Variants in TRIO observed in about 807,000 individuals in gnomAD.
TRIO encodes the protein triple functional domain protein.
A neutral mutation model predicts 351.9 loss-of-function variants in TRIO; 58 were observed. The ratio of observed to expected loss-of-function variants is 0.16; its 90% CI spans 0.13 to 0.21. TRIO has a LOEUF of 0.21. TRIO is among the 10% of genes least tolerant of loss of function. The pLI, the probability that TRIO is intolerant of heterozygous loss-of-function variation, is 1.00. For synonymous variants in TRIO, 1,758 were observed against 1,595.7 expected, an observed-to-expected ratio of 1.10 and a Z score of -2.42; for missense variants, 3,201 against 4,027.8, an observed-to-expected ratio of 0.79 and a Z score of 5.56.
chr5:14,497,228 C>A lies in TRIO; in HGVS notation c.8019+211C>A, dbSNP rs1756961661. Among the ~76,000 whole-genome samples, 1 of 152,156 alleles carries A rather than the reference C, an allele frequency of 6.6e-6. No homozygotes were observed. Among genetic ancestry groups the A allele is most frequent in the African/African-American group, 2.4e-5 (1 of 41,442 alleles). On this transcript the variant is annotated intron_variant, in intron 50 of 56. Coordinates refer to ENST00000344204, the MANE Select transcript of TRIO (RefSeq NM_007118.4). The surrounding 1 kb of genome is among the most constrained non-coding windows in gnomAD (Gnocchi z 4.4). ...GCGTCCTACAAGGAACCAGGTAGAC[C>A]CCTGCACACTTCCGCAGGTGCACAT... is the stretch of plus-strand genomic sequence containing the variant.
At chr5:14,416,382 T>A (rs1296346731) in intron 33 of TRIO, among the ~76,000 whole-genome samples, 1 of 151,942 alleles carries the variant, frequency 6.6e-6, no homozygotes, top group Non-Finnish European at 1.5e-5. Flanking sequence ...TTGAGGTGCA[T>A]CCCCAGGACA....
chr5:14,157,283 G>A (rs894194855), intron 1 of TRIO, among the ~76,000 whole-genome samples: 1 of 152,174 alleles, frequency 6.6e-6, no homozygotes, highest in African/African-American at 2.4e-5. Context: ...GGGATTTCTG[G>A]GAACTGAGTT....
chr5:14,163,939 G>A (rs541606791), intron 1 of TRIO, among the ~76,000 whole-genome samples: 5 of 152,036 alleles, frequency 3.3e-5, no homozygotes, highest in African/African-American at 9.6e-5. Flanking sequence ...TAAGTTTTCC[G>A]ATCTCCAGAT....
intron 1 of TRIO, among the ~76,000 whole-genome samples, chr5:14,205,879 C>T (rs1197351534): frequency 1.3e-5 from 2 of 151,910 alleles, no homozygotes; most frequent in African/African-American, 2.4e-5. Flanking sequence ...ATTACAGGCC[C>T]GTGCCACCAC....
chr5:14,193,995 C>T (rs1017425434), intron 1 of TRIO, among the ~76,000 whole-genome samples: 3 of 152,298 alleles, frequency 2.0e-5, no homozygotes, highest in African/African-American at 7.2e-5. Context: ...TCAGTATTCT[C>T]AGCAAGGAAG....
chr5:14,457,901 G>C (rs893881616), intron 34 of TRIO, among the ~76,000 whole-genome samples: 9 of 152,142 alleles, frequency 5.9e-5, no homozygotes, highest in Middle Eastern at 3.2e-3. Flanking sequence ...CTCCCCCCAA[G>C]TTCTAACTTA....
chr5:14,360,694 G>T (rs1744070962), intron 13 of TRIO, among the ~76,000 whole-genome samples: 1 of 152,226 alleles, frequency 6.6e-6, no homozygotes. Context: ...CTGTCTATAG[G>T]CCTGCCCTGG....
In TRIO at chr5:14,316,469, CA is replaced by C. The variant is rs1163128216; in HGVS notation, c.1501-41del. ...ACAGCATCTGTGGCACAGCCTAGGC[CA>C]AACCTCAGATCGTGAAGAATCACTC... On this transcript the variant is annotated intron_variant, in intron 8 of 56. Coordinates refer to ENST00000344204, the MANE Select transcript of TRIO (RefSeq NM_007118.4). 3.1e-6 allele frequency: 5 copies of C among 1,604,492 alleles called. No homozygotes were observed. In the African/African-American group the frequency reaches 6.7e-5, roughly 21 times the overall value.
At chr5:14,336,073 T>G (rs574930253) in intron 10 of TRIO, among the ~76,000 whole-genome samples, 1 of 152,242 alleles carries the variant, frequency 6.6e-6, no homozygotes, top group Admixed American at 6.5e-5. Context: ...TAGCAACTTA[T>G]GTTTGTTTGG....
intron 8 of TRIO, among the ~76,000 whole-genome samples, chr5:14,314,627 A>G (rs1004042818): frequency 4.6e-5 from 7 of 152,230 alleles, no homozygotes; most frequent in Non-Finnish European, 8.8e-5. Context: ...TTATGTGTTA[A>G]AAACAGCCTT....
intron 1 of TRIO, among the ~76,000 whole-genome samples, chr5:14,239,774 G>T (rs545887146): frequency 6.6e-6 from 1 of 152,282 alleles, no homozygotes; most frequent in South Asian, 2.1e-4. Flanking sequence ...GAACAGAGGC[G>T]CAAAATTCAC....
intron 49 of TRIO, among the ~76,000 whole-genome samples, chr5:14,495,382 G>C (rs1756804896): frequency 6.6e-6 from 1 of 152,174 alleles, no homozygotes; most frequent in Non-Finnish European, 1.5e-5. Context: ...TTAGTTGACA[G>C]TGCAACAGCA....
At chr5:14,367,256 C>T (rs1166400171) in intron 16 of TRIO, among the ~76,000 whole-genome samples, 4 of 152,148 alleles carry the variant, frequency 2.6e-5, no homozygotes, top group African/African-American at 7.2e-5. Context: ...CTGTTGTTCT[C>T]CTGTTGTAGG....
chr5:14,490,965 A>G (rs961823362), intron 48 of TRIO: 1 of 395,826 alleles, frequency 2.5e-6, no homozygotes, highest in Admixed American at 3.0e-5. Flanking sequence ...TTCCCTGTAC[A>G]GCACGCTTTT....
chr5:14,188,085 A>G (rs1160950769), intron 1 of TRIO, among the ~76,000 whole-genome samples: 1 of 152,236 alleles, frequency 6.6e-6, no homozygotes, highest in Non-Finnish European at 1.5e-5. Flanking sequence ...CACAGATTTT[A>G]TAATATCTGC....
intron 26 of TRIO, 155 bp downstream of exon 26, chr5:14,390,455 A>G (rs1426399256): frequency 7.3e-6 from 5 of 683,810 alleles, no homozygotes; most frequent in Non-Finnish European, 1.2e-5. Context: ...GCATACTTCA[A>G]CTAATTGTTT....
intron 33 of TRIO, among the ~76,000 whole-genome samples, chr5:14,417,705 G>A (rs192806973): frequency 6.4e-4 from 97 of 152,380 alleles, no homozygotes; most frequent in African/African-American, 2.2e-3. Context: ...TGACAGGGGA[G>A]AGCTGAGCGT....
chr5:14,456,881 G>GT (rs1753354146), intron 34 of TRIO, among the ~76,000 whole-genome samples: 1 of 152,170 alleles, frequency 6.6e-6, no homozygotes, highest in African/African-American at 2.4e-5. Context: ...ATTTCATTCT[G>GT]TTAATGATGG....
intron 1 of TRIO, among the ~76,000 whole-genome samples, chr5:14,148,425 T>C (rs1787642790): frequency 6.6e-6 from 1 of 152,210 alleles, no homozygotes; most frequent in South Asian, 2.1e-4. Context: ...TAAAATTTTA[T>C]CTCATAACCT....
Sources: allele counts gnomAD v4.1 joint callset (sites outside exome capture counted in the v4.1 genomes callset), GRCh38; gene constraint gnomAD v4.1.1; non-coding constraint Gnocchi (gnomAD v3.1); transcripts MANE v1.5; gene names NCBI Gene and HGNC (gene_info 2026-07-23, HGNC 2026-07-21).